Variants in PEX26 observed in about 807,000 individuals in gnomAD.
PEX26 encodes peroxisome assembly protein 26.
PEX26 carries 18 observed loss-of-function variants against 31.4 expected under a neutral mutation model. The ratio of observed to expected loss-of-function variants is 0.57; its 90% CI spans 0.40 to 0.85. The LOEUF is 0.85. Ranked by LOEUF, PEX26 falls within the 40% of genes least tolerant of loss-of-function variation. The probability of loss-of-function intolerance (pLI) is 0.00; values close to 1 mark genes in which losing one functional copy is unlikely to be tolerated. For missense variants in PEX26, 377 were observed against 383.9 expected (o/e 0.98, Z 0.15); for synonymous variants, 176 against 166.9 (o/e 1.05, Z -0.42).
chr22:18,087,946 C>A, intron 4 of PEX26, 26 bp from the exon 5 acceptor site: 1 of 1,453,286 alleles, frequency 6.9e-7, no homozygotes, highest in Non-Finnish European at 9.7e-7. Context: ...GTGGGACGTT[C>A]ACTGTAGTCT....
intron 1 of PEX26, 29 bp from the exon 2 acceptor site, chr22:18,079,845 C>T (rs779575496): frequency 1.2e-6 from 2 of 1,613,782 alleles, no homozygotes; most frequent in Non-Finnish European, 1.7e-6. Context: ...GGAACCACTT[C>T]TAACTGAAAT....
chr22:18,083,508 C>A lies in PEX26; in HGVS notation c.443C>A (p.Pro148Gln). 6.2e-7 allele frequency: 1 copy of A among 1,614,118 alleles called. No homozygotes were observed. Among genetic ancestry groups the A allele is most frequent in the Non-Finnish European group, 8.5e-7 (1 of 1,179,986 alleles). Reference sequence around the variant, plus strand: ...GTGGTGGGTGCCTGGCTCCAAGACCCAGCCAATCAAAACCTTCCAGAATAT... The same window carrying A: ...GTGGTGGGTGCCTGGCTCCAAGACCAAGCCAATCAAAACCTTCCAGAATAT... ...LDVVGAWLQD[P>Q]ANQNLPEYGA... is the part of the protein sequence containing the mutation. The change falls in exon 3 of 5, where the codon CCA becomes CAA. Residue 148 changes from proline to glutamine, a missense_variant. By Grantham distance (76) the Pro-to-Gln change is moderately conservative. Coordinates refer to ENST00000399744, the MANE Select transcript of PEX26 (RefSeq NM_001127649.3).
chr22:18,081,384 G>A (rs62239020), intron 2 of PEX26: 19,793 of 154,686 alleles, frequency 0.13, 1,482 homozygotes, highest in South Asian at 0.21. Context: ...TAGATCATGT[G>A]GTAGTTCTAT....
rs1405989499 is a variant in PEX26 at position 18,095,986 on chromosome 22, C to T, written c.*7911C>T. The T allele has an allele frequency of 6.6e-6, 1 of 152,150 alleles. No homozygotes were observed. The highest frequency in any genetic ancestry group is 2.4e-5 in the African/African-American group (1 of 41,436). 9.4% of individuals were successfully genotyped at this position (152,150 alleles called of 1,614,324 possible). A position where few individuals can be genotyped will look rare whatever the true frequency, so the allele number is the denominator to read the frequency against. On this transcript the variant is annotated 3_prime_UTR_variant, in exon 5 of 5. Transcript: ENST00000399744. ...TACAGGCACACACTACCACGCCTGG[C>T]TAATTTTTGAATTTTTAGTAGAGAC... is the stretch of plus-strand genomic sequence containing the variant.
chr22:18,083,500 C>T lies in PEX26; in HGVS notation c.435C>T (p.Leu145=). 1 of 1,614,086 alleles carries T rather than the reference C, an allele frequency of 6.2e-7. No individual in the cohort carries two copies. Among genetic ancestry groups the T allele is most frequent in the Non-Finnish European group, 8.5e-7 (1 of 1,179,992 alleles). Residue 145 remains leucine (L), a synonymous_variant, in exon 3 of 5, where the codon CTC becomes CTT. Coordinates refer to ENST00000399744, the MANE Select transcript of PEX26 (RefSeq NM_001127649.3). ...TGCTGGATGTGGTGGGTGCCTGGCT[C>T]CAAGACCCAGCCAATCAAAACCTTC... is the stretch of plus-strand genomic sequence containing the variant. ...GAVLDVVGAW[L]QDPANQNLPE... is the part of the protein sequence containing the mutation.
Position 18,083,739 on chromosome 22 carries a change from C to T in PEX26, c.667+7C>T. ...CAGAAGCCAAACCTGGAAGGTAGGA[C>T]ATTATCCCTCTGCGACCTCTGTAAA... On this transcript the variant is annotated splice_region_variant and intron_variant, in intron 3 of 4. Transcript: ENST00000399744. The T allele has an allele frequency of 6.2e-7, 1 of 1,613,420 alleles. No individual in the cohort carries two copies. The highest frequency in any genetic ancestry group is 1.1e-5 in the South Asian group (1 of 91,058).
At position 18,088,142 on chromosome 22, in the gene PEX26, G is replaced by C. The variant is rs779256061; in HGVS notation, c.*67G>C. The C allele has an allele frequency of 9.2e-7, 1 of 1,082,012 alleles. No individual in the cohort carries two copies. Among genetic ancestry groups the C allele is most frequent in the Non-Finnish European group, 1.4e-6 (1 of 701,530 alleles). 67.0% of individuals were successfully genotyped at this position (1,082,012 alleles called of 1,614,324 possible). On this transcript the variant is annotated 3_prime_UTR_variant, in exon 5 of 5. Coordinates refer to ENST00000399744, the MANE Select transcript of PEX26 (RefSeq NM_001127649.3). The surrounding 1 kb of genome is among the most constrained non-coding windows in gnomAD (Gnocchi z 4.1). ...GGCCACAGAAGCAGAGCGACAGAGCGACACATCCACAGGCGCCCCTGGGGA... is the reference window on the plus strand; with the variant it reads ...GGCCACAGAAGCAGAGCGACAGAGCCACACATCCACAGGCGCCCCTGGGGA...
At position 18,093,070 on chromosome 22, in the gene PEX26, C is replaced by T. The variant is rs943433073; in HGVS notation, c.*4995C>T. On this transcript the variant is annotated 3_prime_UTR_variant, in exon 5 of 5. Transcript: ENST00000399744. ...AAAACAGAGCTCAGGAGCAGACACG[C>T]AGTCCTGGGAACCCTTCAATAAGAG... 1 of 152,132 alleles carries T rather than the reference C, an allele frequency of 6.6e-6. No homozygotes were observed. The highest frequency in any genetic ancestry group is 1.9e-4 in the East Asian group (1 of 5,192). 9.4% of individuals were successfully genotyped at this position (152,132 alleles called of 1,614,324 possible). A position where few individuals can be genotyped will look rare whatever the true frequency, so the allele number is the denominator to read the frequency against.
In PEX26 at chr22:18,079,949, CCT is replaced by C. The variant is rs749001157; in HGVS notation, c.310_311del (p.Ser104LeufsTer10). ...CAGAAATGGATCGGTGGCAAGAAGT[CCT>C]CTCCTGGGTCCTTCAGTATTACCAG... ...LAEMDRWQEV[L>X]SWVLQYYQVP... On this transcript the variant is annotated frameshift_variant, in exon 2 of 5. Transcript: ENST00000399744. LOFTEE classifies it high-confidence loss of function. 6.2e-7 allele frequency: 1 copy of C among 1,614,102 alleles called. No individual in the cohort carries two copies. Among genetic ancestry groups the C allele is most frequent in the Non-Finnish European group, 8.5e-7 (1 of 1,179,982 alleles).
rs1056155370 is a variant in PEX26 at position 18,102,362 on chromosome 22, A to T, written c.*14287A>T. 1 of 153,946 alleles carries T rather than the reference A, an allele frequency of 6.5e-6. No individual in the cohort carries two copies. The highest frequency in any genetic ancestry group is 2.1e-4 in the South Asian group (1 of 4,872). 9.5% of individuals were successfully genotyped at this position (153,946 alleles called of 1,614,324 possible). A position where few individuals can be genotyped will look rare whatever the true frequency, so the allele number is the denominator to read the frequency against. On this transcript the variant is annotated 3_prime_UTR_variant, in exon 5 of 5. Transcript: ENST00000399744. The stretch of plus-strand genomic sequence containing the variant: ...GAGTTGCAGAACAGTCAGTCTTTCC[A>T]AGATGTATTGTTCTATCCTCAATAG...
intron 4 of PEX26, 86 bp downstream of exon 4, chr22:18,085,344 C>G: frequency 1.4e-6 from 2 of 1,380,452 alleles, no homozygotes; most frequent in Non-Finnish European, 1.0e-6. Flanking sequence ...TTGTCAGAGT[C>G]CTACTGGGGA....
intron 2 of PEX26, among the ~76,000 whole-genome samples, chr22:18,081,037 A>G (rs1926562015): frequency 6.6e-6 from 1 of 150,976 alleles, no homozygotes; most frequent in Non-Finnish European, 1.5e-5. Context: ...GAAATCATGT[A>G]GTATTTATCT....
intron 3 of PEX26, among the ~76,000 whole-genome samples, chr22:18,084,471 C>T (rs1926756583): frequency 6.6e-6 from 1 of 151,962 alleles, no homozygotes; most frequent in Admixed American, 6.6e-5. Flanking sequence ...TCTCAATCTC[C>T]TGACCTCGTG....
chr22:18,081,151 T>TTATATATATATATATA (rs60289884), intron 2 of PEX26, among the ~76,000 whole-genome samples: 9 of 141,374 alleles, frequency 6.4e-5, no homozygotes, highest in African/African-American at 2.3e-4. Context: ...TAGTATTCCA[T>TTATATATATATATATA]TATATATATA....
intron 2 of PEX26, among the ~76,000 whole-genome samples, chr22:18,083,198 A>C (rs779771197): frequency 4.6e-5 from 7 of 152,196 alleles, no homozygotes; most frequent in Non-Finnish European, 8.8e-5. Flanking sequence ...CGGTCAAAGT[A>C]GGCATCTTTG....
Position 18,101,763 on chromosome 22 carries a change from G to A in PEX26, c.*13688G>A. The A allele has an allele frequency of 4.4e-6, 1 of 225,504 alleles. No individual in the cohort carries two copies. The highest frequency in any genetic ancestry group is 8.7e-6 in the Non-Finnish European group (1 of 115,008). The allele number at this position is 225,504 out of a possible 1,614,324, so 14.0% of individuals were successfully genotyped here. On this transcript the variant is annotated 3_prime_UTR_variant, in exon 5 of 5. Coordinates refer to ENST00000399744, the MANE Select transcript of PEX26 (RefSeq NM_001127649.3). Reference sequence around the variant, plus strand: ...CCTCATCCTGCATGTGGGCAAGTCAGCTCTCTGATGGATGGTGCAATTTCC... The same window carrying A: ...CCTCATCCTGCATGTGGGCAAGTCAACTCTCTGATGGATGGTGCAATTTCC...
At chr22:18,087,330 C>A (rs1340358111) in intron 4 of PEX26, among the ~76,000 whole-genome samples, 1 of 152,206 alleles carries the variant, frequency 6.6e-6, no homozygotes, top group African/African-American at 2.4e-5. Flanking sequence ...TCACCTCAGC[C>A]TCCCACAGTG....
intron 3 of PEX26, 74 bp from the exon 4 acceptor site, chr22:18,085,034 GAAGC>G (rs569236072): frequency 6.5e-7 from 1 of 1,537,414 alleles, no homozygotes; most frequent in South Asian, 1.1e-5. Flanking sequence ...TCAGGTCTTA[GAAGC>G]AAGCACAGAG....
intron 4 of PEX26, 120 bp downstream of exon 4, chr22:18,085,378 C>A: frequency 1.9e-6 from 2 of 1,033,092 alleles, no homozygotes; most frequent in Non-Finnish European, 3.0e-6. Flanking sequence ...TATGACATTT[C>A]CCCTGAGTCT....
Sources: gnomAD v4.1 joint callset for allele counts (sites outside exome capture counted in the v4.1 genomes callset) on GRCh38, gnomAD v4.1.1 for gene constraint, Gnocchi (gnomAD v3.1) non-coding constraint, MANE v1.5 for transcripts, NCBI Gene and HGNC (gene_info 2026-07-23, HGNC 2026-07-21) for gene names.